NAIP: variants seen among roughly 807,000 people sequenced by gnomAD.
The protein encoded by NAIP is baculoviral IAP repeat-containing protein 1.
In NAIP, 15 loss-of-function variants were observed where a neutral mutation model predicts 23.0. That is an observed-to-expected ratio of 0.65 (90% CI 0.44 to 1.00). NAIP has a LOEUF of 1.00. Ranked by LOEUF, NAIP falls within the 50% of genes least tolerant of loss-of-function variation. The pLI is 0.00. For synonymous variants in NAIP, 100 were observed against 100.2 expected (o/e 1.00, Z 0.01); for missense variants, 265 against 278.8 (o/e 0.95, Z 0.35).
At chr5:71,015,052 A>G (rs1368232533) in intron 3 of NAIP, among the ~76,000 whole-genome samples, 1 of 151,712 alleles carries the variant, frequency 6.6e-6, no homozygotes, top group African/African-American at 2.4e-5. Context: ...ATGCAAATTG[A>G]TTATGATTTT....
intron 12 of NAIP, among the ~76,000 whole-genome samples, chr5:70,980,476 A>G (rs1409685716): frequency 4.8e-4 from 2 of 4,134 alleles, no homozygotes; most frequent in African/African-American, 1.3e-3. Context: ...AATCACATAA[A>G]CCTGGGAGAC....
At chr5:71,013,160 G>A (rs979450902) in intron 3 of NAIP, among the ~76,000 whole-genome samples, 3 of 151,426 alleles carry the variant, frequency 2.0e-5, no homozygotes, top group African/African-American at 7.3e-5. Flanking sequence ...CAACAAGACA[G>A]ACACCCATCT....
intron 5 of NAIP, among the ~76,000 whole-genome samples, chr5:71,007,649 C>T (rs1025769876): frequency 6.7e-6 from 1 of 148,784 alleles, no homozygotes; most frequent in Non-Finnish European, 1.5e-5. Flanking sequence ...TCACACTGCA[C>T]TTATTGTGCA....
In NAIP at chr5:70,979,585, AATAAT is replaced by A. The variant is rs1463258086; in HGVS notation, c.3442+279_3442+283del. ...GGGAGACTGTCTCAAAAAAAAAAAA[AATAAT>A]AATAATAATAATAATAATAATAGTA... On this transcript the variant is annotated intron_variant, in intron 13 of 16. Transcript: ENST00000517649. Among the ~76,000 whole-genome samples the A allele has an allele frequency of 3.9e-3, 157 of 40,230 alleles. 6 individuals carry two copies. Among genetic ancestry groups the A allele is most frequent in the African/African-American group, 0.014 (122 of 8,716 alleles). The allele number at this position is 40,230 out of a possible 152,430, so 26.4% of individuals were successfully genotyped here.
intron 16 of NAIP, among the ~76,000 whole-genome samples, chr5:70,973,285 TG>T (rs1750252294): frequency 8.1e-6 from 1 of 123,546 alleles, no homozygotes; most frequent in Non-Finnish European, 1.7e-5. Flanking sequence ...CCTCTCCAAT[TG>T]GGCTTTTACT....
intron 4 of NAIP, 137 bp downstream of exon 4, chr5:71,012,211 A>T: frequency 1.4e-6 from 1 of 732,954 alleles, no homozygotes. Flanking sequence ...GTTGAATTTT[A>T]ATAAACTAGA....
intron 16 of NAIP, among the ~76,000 whole-genome samples, chr5:70,972,842 A>C (rs1450619313): frequency 2.8e-5 from 2 of 70,502 alleles, no homozygotes; most frequent in Non-Finnish European, 6.9e-5. Flanking sequence ...ATTCTTCCTC[A>C]TAAGGAGGAA....
intron 13 of NAIP, among the ~76,000 whole-genome samples, 154 bp downstream of exon 13, chr5:70,979,715 C>T (rs2112880226): frequency 8.9e-6 from 1 of 112,760 alleles, no homozygotes; most frequent in Middle Eastern, 3.8e-3. Flanking sequence ...CAGCACTCTG[C>T]TTTCTTAATG....
intron 5 of NAIP, 81 bp downstream of exon 5, chr5:71,011,194 C>G (rs1751135246): frequency 1.8e-6 from 2 of 1,082,154 alleles, no homozygotes; most frequent in Non-Finnish European, 2.7e-6. Flanking sequence ...AGTCATGCCA[C>G]TATACTCCAG....
intron 3 of NAIP, among the ~76,000 whole-genome samples, chr5:71,013,232 T>C (rs1751253323): frequency 6.6e-6 from 1 of 151,474 alleles, no homozygotes; most frequent in South Asian, 2.1e-4. Context: ...CATGAGCATA[T>C]ACTGAACATT....
intron 4 of NAIP, among the ~76,000 whole-genome samples, chr5:71,012,029 T>C (rs1751183349): frequency 6.6e-6 from 1 of 151,536 alleles, no homozygotes; most frequent in South Asian, 2.1e-4. Context: ...GTGAGGAGAC[T>C]GGGATCAGGA....
At chr5:71,014,439 A>G (rs1414502700) in intron 3 of NAIP, among the ~76,000 whole-genome samples, 2 of 151,440 alleles carry the variant, frequency 1.3e-5, no homozygotes, top group African/African-American at 4.9e-5. Flanking sequence ...GAGCCACCAC[A>G]CCCAGCCTAG....
intron 16 of NAIP, chr5:70,971,611 A>T: frequency 4.3e-6 from 1 of 234,202 alleles, no homozygotes; most frequent in Non-Finnish European, 8.5e-6. Flanking sequence ...AAAAATCCAG[A>T]CTAAATTACA....
At chr5:71,010,889 T>A (rs1000028176) in intron 5 of NAIP, among the ~76,000 whole-genome samples, 1 of 151,274 alleles carries the variant, frequency 6.6e-6, no homozygotes, top group East Asian at 1.9e-4. Context: ...AAACTGAAGG[T>A]GCTACTCCAG....
At chr5:71,008,801 C>CAAAA (rs1187402726) in intron 5 of NAIP, among the ~76,000 whole-genome samples, 55 of 78,438 alleles carry the variant, frequency 7.0e-4, no homozygotes, top group African/African-American at 1.8e-3. Flanking sequence ...GAGACTGTCA[C>CAAAA]AAAAAAAAAA....
intron 3 of NAIP, among the ~76,000 whole-genome samples, chr5:71,017,315 T>C (rs1275833861): frequency 1.5e-5 from 1 of 67,158 alleles, no homozygotes; most frequent in African/African-American, 4.4e-5. Flanking sequence ...GTAAATGTCC[T>C]TGGGTCCCAT....
At position 71,009,672 on chromosome 5, in the gene NAIP, T is replaced by C. The variant is rs760360327; in HGVS notation, c.668+1603A>G. The stretch of plus-strand genomic sequence containing the variant: ...ACCACTGGGCAACAGGGCGAGACTC[T>C]GTCTCAAATAAAATAAAATAAAAAT... On this transcript the variant is annotated intron_variant, in intron 5 of 16. Transcript: ENST00000517649. 3.7e-4 allele frequency among the ~76,000 whole-genome samples: 56 copies of C among 151,490 alleles called. 2 individuals are homozygous for C. Among genetic ancestry groups the C allele is most frequent in the Non-Finnish European group, 6.5e-4 (44 of 67,808 alleles).
intron 5 of NAIP, among the ~76,000 whole-genome samples, chr5:71,008,205 G>T (rs1343441940): frequency 1.3e-5 from 2 of 149,898 alleles, no homozygotes; most frequent in Admixed American, 1.3e-4. Flanking sequence ...AAGTAGCTGG[G>T]GTTACAGGTG....
chr5:71,015,606 CAAAAAAA>C (rs1305859592), intron 3 of NAIP, among the ~76,000 whole-genome samples: 2 of 89,938 alleles, frequency 2.2e-5, no homozygotes, highest in South Asian at 3.7e-4. Flanking sequence ...ACTAAAAATA[CAAAAAAA>C]AAAAAAAAAA....
Sources: gnomAD v4.1 joint callset for allele counts (sites outside exome capture counted in the v4.1 genomes callset) on GRCh38, gnomAD v4.1.1 for gene constraint, MANE v1.5 for transcripts, NCBI Gene and HGNC (gene_info 2026-07-23, HGNC 2026-07-21) for gene names.